CNBD1: variants seen among roughly 807,000 people sequenced by gnomAD.
The protein encoded by CNBD1 is cyclic nucleotide binding domain containing 1.
A neutral mutation model predicts 54.4 loss-of-function variants in CNBD1; 71 were observed. The observed-to-expected ratio is 1.30, with a 90% CI of 1.08 to 1.59. CNBD1 has a LOEUF of 1.59. Among genes scored for constraint, CNBD1 ranks in the 40% most tolerant of loss-of-function variants. The pLI is 0.00. For synonymous variants in CNBD1, 182 were observed against 170.7 expected, an observed-to-expected ratio of 1.07 and a Z score of -0.51; for missense variants, 659 against 518.0, an observed-to-expected ratio of 1.27 and a Z score of -2.64.
chr8:86,897,703 G>A (rs778662670), intron 2 of CNBD1, among the ~76,000 whole-genome samples: 5 of 152,038 alleles, frequency 3.3e-5, no homozygotes, highest in African/African-American at 9.7e-5. Context: ...TACTACCTGC[G>A]CCTTCTATTG....
intron 8 of CNBD1, among the ~76,000 whole-genome samples, chr8:87,327,196 G>A (rs1268102877): frequency 1.4e-5 from 2 of 142,918 alleles, no homozygotes; most frequent in African/African-American, 2.6e-5. Context: ...GAGAACCACT[G>A]CTCTCTTCAA....
At chr8:87,029,492 C>T (rs899009843) in intron 4 of CNBD1, among the ~76,000 whole-genome samples, 19 of 152,034 alleles carry the variant, frequency 1.2e-4, no homozygotes, top group Admixed American at 7.2e-4. Flanking sequence ...GGAGGTAAAG[C>T]AGTGTAGAGA....
At chr8:86,998,392 C>T (rs1047991622) in intron 4 of CNBD1, among the ~76,000 whole-genome samples, 10 of 151,972 alleles carry the variant, frequency 6.6e-5, no homozygotes, top group South Asian at 6.2e-4. Flanking sequence ...CATTTTTACA[C>T]GGTGAAATCA....
At chr8:87,020,208 A>T (rs1344848293) in intron 4 of CNBD1, among the ~76,000 whole-genome samples, 1 of 152,262 alleles carries the variant, frequency 6.6e-6, no homozygotes, top group East Asian at 1.9e-4. Flanking sequence ...AGCTCAAAAA[A>T]TCTGATCTAG....
intron 8 of CNBD1, among the ~76,000 whole-genome samples, chr8:87,336,080 G>A (rs1026668676): frequency 6.6e-6 from 1 of 152,176 alleles, no homozygotes; most frequent in African/African-American, 2.4e-5. Flanking sequence ...CAGTCTGATA[G>A]CCTTCCCTTT....
chr8:87,272,266 T>A (rs892763226), intron 6 of CNBD1, among the ~76,000 whole-genome samples: 1 of 151,976 alleles, frequency 6.6e-6, no homozygotes, highest in Admixed American at 6.6e-5. Flanking sequence ...AATAAATATT[T>A]AAAGTGATGG....
intron 8 of CNBD1, among the ~76,000 whole-genome samples, chr8:87,331,026 A>T (rs766479882): frequency 2.0e-5 from 3 of 152,120 alleles, no homozygotes; most frequent in Non-Finnish European, 4.4e-5. Context: ...TCTAATATTT[A>T]CCATATTTGT....
chr8:86,951,501 A>T (rs1740043808), intron 4 of CNBD1, among the ~76,000 whole-genome samples: 1 of 141,534 alleles, frequency 7.1e-6, no homozygotes, highest in Admixed American at 7.7e-5. Context: ...AATCACTTGA[A>T]CCTGGGAGGC....
intron 2 of CNBD1, among the ~76,000 whole-genome samples, chr8:87,390,477 G>A (rs1346932433): frequency 3.9e-5 from 6 of 152,108 alleles, no homozygotes; most frequent in Non-Finnish European, 8.8e-5. Flanking sequence ...GCAGCCAAAA[G>A]AAACATGAAA....
chr8:86,893,866 AT>A (rs1249776671), intron 2 of CNBD1, among the ~76,000 whole-genome samples: 1 of 151,668 alleles, frequency 6.6e-6, no homozygotes, highest in Non-Finnish European at 1.5e-5. Context: ...TTGTATCTCT[AT>A]TGTTTATCAC....
At chr8:87,187,566 C>T (rs1274886911) in intron 4 of CNBD1, among the ~76,000 whole-genome samples, 2 of 149,300 alleles carry the variant, frequency 1.3e-5, no homozygotes, top group Non-Finnish European at 3.0e-5. Context: ...GGAAAAATTT[C>T]AAACCAGCAT....
At chr8:87,200,093 A>G (rs957285715) in intron 4 of CNBD1, among the ~76,000 whole-genome samples, 6 of 152,206 alleles carry the variant, frequency 3.9e-5, no homozygotes, top group African/African-American at 1.4e-4. Context: ...AAATGTGAAT[A>G]CAGCCTCAGA....
intron 4 of CNBD1, among the ~76,000 whole-genome samples, chr8:87,188,762 A>T (rs1342482803): frequency 7.9e-5 from 12 of 151,444 alleles, no homozygotes; most frequent in African/African-American, 2.4e-4. Flanking sequence ...AAAAAAAAAA[A>T]ATAAAAATAA....
At chr8:86,919,573 G>A (rs912437633) in intron 3 of CNBD1, among the ~76,000 whole-genome samples, 11 of 152,280 alleles carry the variant, frequency 7.2e-5, no homozygotes, top group African/African-American at 2.4e-4. Context: ...GTTACAAAAC[G>A]TATACTCCTG....
At chr8:87,257,102 G>C (rs1033483419) in intron 6 of CNBD1, among the ~76,000 whole-genome samples, 1 of 152,088 alleles carries the variant, frequency 6.6e-6, no homozygotes, top group African/African-American at 2.4e-5. Flanking sequence ...GGGCATGGTG[G>C]CTCATGCCTG....
At chr8:87,329,215 A>T (rs1390752977) in intron 8 of CNBD1, among the ~76,000 whole-genome samples, 1 of 152,096 alleles carries the variant, frequency 6.6e-6, no homozygotes, top group Non-Finnish European at 1.5e-5. Flanking sequence ...TTCAAGGATC[A>T]GTTGACTATT....
At chr8:86,899,572 T>G (rs548971905) in intron 2 of CNBD1, among the ~76,000 whole-genome samples, 107 of 152,260 alleles carry the variant, frequency 7.0e-4, no homozygotes, top group African/African-American at 2.5e-3. Flanking sequence ...TCATTGTGAT[T>G]CCCTCCTTTA....
At chr8:87,037,417 TCTTG>T (rs1809972644) in intron 4 of CNBD1, among the ~76,000 whole-genome samples, 1 of 152,162 alleles carries the variant, frequency 6.6e-6, no homozygotes, top group Non-Finnish European at 1.5e-5. Flanking sequence ...GTGATAATCA[TCTTG>T]CTTTCCATTT....
chr8:86,936,071 A>G (rs1340367132), intron 3 of CNBD1, among the ~76,000 whole-genome samples: 2 of 152,148 alleles, frequency 1.3e-5, no homozygotes, highest in African/African-American at 4.8e-5. Flanking sequence ...GCTGGGAGGC[A>G]GAGGTTGCAG....
Sources: gnomAD v4.1 joint callset for allele counts (sites outside exome capture counted in the v4.1 genomes callset) on GRCh38, gnomAD v4.1.1 for gene constraint, MANE v1.5 for transcripts, NCBI Gene and HGNC (gene_info 2026-07-23, HGNC 2026-07-21) for gene names.